The following SP4 variants were observed in gnomAD, a reference collection of about 807,000 sequenced individuals.
SP4 encodes transcription factor Sp4.
A neutral mutation model predicts 72.8 loss-of-function variants in SP4; 19 were observed. The observed-to-expected ratio is 0.26, with a 90% CI of 0.18 to 0.38. SP4 has a LOEUF of 0.38. SP4 is among the 10% of genes least tolerant of loss of function. The pLI, the probability that SP4 is intolerant of heterozygous loss-of-function variation, is 1.00. For missense variants in SP4, 1,008 were observed against 926.3 expected (o/e 1.09, Z -1.14); for synonymous variants, 395 against 333.1 (o/e 1.19, Z -2.02).
intron 3 of SP4, among the ~76,000 whole-genome samples, chr7:21,450,214 GT>G (rs1226603987): frequency 2.6e-5 from 4 of 152,024 alleles, no homozygotes; most frequent in African/African-American, 9.7e-5. Flanking sequence ...CAGGATTTCT[GT>G]TTTTATGGTA....
intron 5 of SP4, among the ~76,000 whole-genome samples, chr7:21,501,760 G>A (rs535476598): frequency 6.6e-6 from 1 of 152,118 alleles, no homozygotes; most frequent in East Asian, 1.9e-4. Flanking sequence ...GGGCAGTATT[G>A]TTGGGAATGA....
intron 3 of SP4, among the ~76,000 whole-genome samples, chr7:21,475,425 C>G (rs557344075): frequency 6.6e-6 from 1 of 151,216 alleles, no homozygotes; most frequent in Non-Finnish European, 1.5e-5. Flanking sequence ...GAAAGAAACC[C>G]TTTTATTTTG....
At position 21,429,982 on chromosome 7, in the gene SP4, A is replaced by G; in HGVS notation, c.817A>G (p.Asn273Asp). ...GVTLALPVIN[N>D]VAAGGGTGQV... ...GACTCTAGCTTTGCCAGTGATAAAC[A>G]ACGTGGCTGCCGGAGGAGGGACTGG... The change falls in exon 3 of 6, where the codon AAC (asparagine) becomes GAC (aspartate). Residue 273 changes from asparagine (N) to aspartate (D), a missense_variant. By Grantham distance (23) the Asn-to-Asp change is conservative. Coordinates refer to ENST00000222584, the MANE Select transcript of SP4 (RefSeq NM_003112.5). 6.2e-7 allele frequency: 1 copy of G among 1,614,182 alleles called. No individual in the cohort carries two copies. The highest frequency in any genetic ancestry group is 8.5e-7 in the Non-Finnish European group (1 of 1,180,024).
intron 5 of SP4, among the ~76,000 whole-genome samples, chr7:21,506,722 C>G (rs2128417147): frequency 6.6e-6 from 1 of 152,298 alleles, no homozygotes; most frequent in South Asian, 2.1e-4. Context: ...CAGGCCAGCT[C>G]TTAATTACAA....
rs569885323 is a variant in SP4 at position 21,485,736 on chromosome 7, T to C, written c.2107+3613T>C. Among the ~76,000 whole-genome samples, 75 of 152,114 alleles carry C rather than the reference T, an allele frequency of 4.9e-4. No homozygotes were observed. The South Asian group carries it at 5.6e-3, about 11-fold the overall frequency. Reference sequence around the variant, plus strand: ...ATGCCTTTTCTTTTTTCTTGTATTGTTTGACTTTACCTGAAATAATCTTTA... The same window carrying C: ...ATGCCTTTTCTTTTTTCTTGTATTGCTTGACTTTACCTGAAATAATCTTTA... On this transcript the variant is annotated intron_variant, in intron 5 of 5. Transcript: ENST00000222584.
rs1466091837 is a variant in SP4, at chr7:21,443,574, T to C, written c.1678+12731T>C. ...TCTGTAATAATGAGTCAAGTCACCATAGCTTTTTGTTCACAGAAGCGGAGC... is the reference window on the plus strand; with the variant it reads ...TCTGTAATAATGAGTCAAGTCACCACAGCTTTTTGTTCACAGAAGCGGAGC... On this transcript the variant is annotated intron_variant, in intron 3 of 5. Coordinates refer to ENST00000222584, the MANE Select transcript of SP4 (RefSeq NM_003112.5). Among the ~76,000 whole-genome samples, 3 of 152,210 alleles carry C rather than the reference T, an allele frequency of 2.0e-5. No individual in the cohort carries two copies. The East Asian group carries it at 5.8e-4, about 29-fold the overall frequency.
rs754354170 is a variant in SP4, at chr7:21,429,450, G to T, written c.285G>T (p.Thr95=). 1.2e-6 allele frequency: 2 copies of T among 1,614,136 alleles called. No individual in the cohort carries two copies. Among genetic ancestry groups the T allele is most frequent in the South Asian group, 1.1e-5 (1 of 91,074 alleles). The change falls in exon 3 of 6, where the codon ACG becomes ACT. Residue 95 remains threonine (T), a synonymous_variant. Coordinates refer to ENST00000222584, the MANE Select transcript of SP4 (RefSeq NM_003112.5). The stretch of plus-strand genomic sequence containing the variant: ...CACAACAGCTAGAACTGGTAACAAC[G>T]CAACTTGCTGGAAACGCTTGGCAAC... The part of the protein sequence containing the change: ...NQPQQLELVT[T]QLAGNAWQLV...
chr7:21,428,568 T>G, intron 1 of SP4, 109 bp from the exon 2 acceptor site: 5 of 1,077,998 alleles, frequency 4.6e-6, no homozygotes, highest in Middle Eastern at 3.1e-4. Flanking sequence ...CGCGGGTTTA[T>G]GGAGATTAAT....
intron 5 of SP4, among the ~76,000 whole-genome samples, chr7:21,495,001 G>A (rs558323030): frequency 4.6e-5 from 7 of 152,142 alleles, no homozygotes; most frequent in African/African-American, 9.6e-5. Flanking sequence ...AAAAAGTAGC[G>A]TTTTCAATAA....
chr7:21,496,462 T>C (rs764809443), intron 5 of SP4, among the ~76,000 whole-genome samples: 36 of 152,198 alleles, frequency 2.4e-4, no homozygotes, highest in Admixed American at 6.5e-4. Flanking sequence ...CTGAAAATTA[T>C]TTTGTGCAAC....
intron 5 of SP4, among the ~76,000 whole-genome samples, chr7:21,490,784 A>G (rs1239188362): frequency 1.3e-5 from 2 of 152,232 alleles, no homozygotes; most frequent in African/African-American, 4.8e-5. Flanking sequence ...TAAACATCTT[A>G]AAAACCACCA....
At chr7:21,492,211 A>C (rs899608788) in intron 5 of SP4, among the ~76,000 whole-genome samples, 2 of 152,184 alleles carry the variant, frequency 1.3e-5, no homozygotes, top group Non-Finnish European at 2.9e-5. Context: ...AGAAGTTGTT[A>C]TATATATTTT....
chr7:21,464,546 G>A (rs928644907), intron 3 of SP4, among the ~76,000 whole-genome samples: 5 of 150,574 alleles, frequency 3.3e-5, no homozygotes, highest in East Asian at 1.9e-4. Flanking sequence ...CCCCTGCTCC[G>A]TTTGTCACAA....
chr7:21,447,174 A>C (rs1783453000), intron 3 of SP4, among the ~76,000 whole-genome samples: 1 of 152,188 alleles, frequency 6.6e-6, no homozygotes, highest in Non-Finnish European at 1.5e-5. Flanking sequence ...TTAAAGCCAT[A>C]GTGTGTGATT....
At chr7:21,477,978 T>C (rs1032047159) in intron 4 of SP4, among the ~76,000 whole-genome samples, 2 of 152,120 alleles carry the variant, frequency 1.3e-5, no homozygotes, top group African/African-American at 4.8e-5. Flanking sequence ...ATGACTACAA[T>C]CAATTTTAGA....
chr7:21,468,715 T>A (rs753863061), intron 3 of SP4, among the ~76,000 whole-genome samples: 5 of 152,082 alleles, frequency 3.3e-5, no homozygotes, highest in Non-Finnish European at 5.9e-5. Context: ...TCCTTTTAAG[T>A]CTTTATTTCT....
intron 5 of SP4, among the ~76,000 whole-genome samples, chr7:21,499,069 G>T (rs1026722688): frequency 2.2e-4 from 25 of 111,298 alleles, no homozygotes; most frequent in Admixed American, 8.8e-4. Context: ...GATGGAGCAA[G>T]ACTCTGTCTC....
intron 3 of SP4, among the ~76,000 whole-genome samples, chr7:21,466,173 A>G (rs564199485): frequency 6.6e-6 from 1 of 152,276 alleles, no homozygotes; most frequent in African/African-American, 2.4e-5. Context: ...TCTTCCCTAC[A>G]GGTGAGGGCT....
chr7:21,503,381 T>C (rs1221551132), intron 5 of SP4, among the ~76,000 whole-genome samples: 1 of 152,198 alleles, frequency 6.6e-6, no homozygotes, highest in African/African-American at 2.4e-5. Flanking sequence ...AGGAATGCTA[T>C]TGGGGGACAT....
Sources: gnomAD v4.1 joint callset for allele counts (sites outside exome capture counted in the v4.1 genomes callset) on GRCh38, gnomAD v4.1.1 for gene constraint, MANE v1.5 for transcripts, NCBI Gene and HGNC (gene_info 2026-07-23, HGNC 2026-07-21) for gene names.